MPHOSPH6: variants seen among roughly 807,000 people sequenced by gnomAD.
MPHOSPH6 encodes the protein M-phase phosphoprotein 6.
In MPHOSPH6, 25 loss-of-function variants were observed where a neutral mutation model predicts 21.8. The observed-to-expected ratio is 1.15, with a 90% confidence interval of 0.83 to 1.60. The LOEUF (loss-of-function observed/expected upper bound fraction) is 1.60, where lower values mean the gene tolerates loss of function less well. Ranked by LOEUF, MPHOSPH6 falls within the 40% of genes most tolerant of loss-of-function variation. The pLI is 0.00. For missense variants in MPHOSPH6, 269 were observed against 181.8 expected, an observed-to-expected ratio of 1.48 and a Z score of -2.76; for synonymous variants, 84 against 56.5, an observed-to-expected ratio of 1.49 and a Z score of -2.18.
chr16:82,149,295 C>A lies in MPHOSPH6; in HGVS notation c.350+14G>T. 1 of 1,609,682 alleles carries A rather than the reference C, an allele frequency of 6.2e-7. No homozygotes were observed. Among genetic ancestry groups the A allele is most frequent in the African/African-American group, 1.3e-5 (1 of 75,014 alleles). The stretch of plus-strand genomic sequence containing the variant: ...CTAGGTCCAGATTAGAAGGCTGCTG[C>A]GCAGCACGGTTACCTTCTAGCCATC... On this transcript the variant is annotated intron_variant, in intron 4 of 4. Transcript: ENST00000258169.
intron 1 of MPHOSPH6, among the ~76,000 whole-genome samples, chr16:82,167,388 C>G (rs988482487): frequency 6.6e-6 from 1 of 152,150 alleles, no homozygotes; most frequent in Non-Finnish European, 1.5e-5. Flanking sequence ...TTTTTGGCAC[C>G]AGGGATGGGC....
intron 2 of MPHOSPH6, among the ~76,000 whole-genome samples, chr16:82,152,592 A>G (rs1906299911): frequency 1.3e-5 from 2 of 152,188 alleles, no homozygotes; most frequent in African/African-American, 4.8e-5. Flanking sequence ...ACGGGCAGAA[A>G]TAACGGTCGC....
intron 1 of MPHOSPH6, among the ~76,000 whole-genome samples, chr16:82,166,609 T>C (rs928732263): frequency 2.6e-5 from 4 of 152,226 alleles, no homozygotes; most frequent in African/African-American, 4.8e-5. Flanking sequence ...TCTTGTATCA[T>C]TGGTACTTAG....
At chr16:82,161,504 G>C (rs915900008) in intron 2 of MPHOSPH6, among the ~76,000 whole-genome samples, 1 of 152,146 alleles carries the variant, frequency 6.6e-6, no homozygotes, top group African/African-American at 2.4e-5. Context: ...TATCCTTGGG[G>C]AAAAAAACAA....
At chr16:82,157,286 G>A (rs936256636) in intron 2 of MPHOSPH6, among the ~76,000 whole-genome samples, 13 of 152,110 alleles carry the variant, frequency 8.5e-5, no homozygotes, top group Admixed American at 4.6e-4. Flanking sequence ...TAGATATACC[G>A]TGGTGTATCT....
intron 2 of MPHOSPH6, among the ~76,000 whole-genome samples, chr16:82,154,575 T>C (rs1311239892): frequency 1.3e-5 from 2 of 151,060 alleles, no homozygotes; most frequent in African/African-American, 4.9e-5. Context: ...ATGCATGCAA[T>C]GAAGAAAGAA....
At chr16:82,155,347 G>A (rs981061535) in intron 2 of MPHOSPH6, among the ~76,000 whole-genome samples, 2 of 152,260 alleles carry the variant, frequency 1.3e-5, no homozygotes, top group Admixed American at 6.5e-5. Flanking sequence ...AAATCAACAA[G>A]AGGAGATAAA....
At chr16:82,153,069 A>G (rs903279871) in intron 2 of MPHOSPH6, among the ~76,000 whole-genome samples, 1 of 152,070 alleles carries the variant, frequency 6.6e-6, no homozygotes, top group Non-Finnish European at 1.5e-5. Flanking sequence ...GGAAGTTGCA[A>G]TGAGTCAAGA....
chr16:82,153,082 G>C (rs998819839), intron 2 of MPHOSPH6, among the ~76,000 whole-genome samples: 1 of 152,150 alleles, frequency 6.6e-6, no homozygotes, highest in East Asian at 1.9e-4. Context: ...AGTCAAGATT[G>C]TGCCACTGCA....
chr16:82,165,150 CAG>C (rs1906731967), intron 1 of MPHOSPH6, among the ~76,000 whole-genome samples: 1 of 78,570 alleles, frequency 1.3e-5, no homozygotes, highest in African/African-American at 5.6e-5. Flanking sequence ...TTTTTTGAGA[CAG>C]AGTCTCACTC....
chr16:82,165,144 T>TTTTA (rs1555540871), intron 1 of MPHOSPH6, among the ~76,000 whole-genome samples: 1 of 108,626 alleles, frequency 9.2e-6, no homozygotes, highest in Non-Finnish European at 1.9e-5. Flanking sequence ...TTTTTTTTTT[T>TTTTA]TGAGACAGAG....
At chr16:82,162,725 C>G (rs1906645798) in intron 2 of MPHOSPH6, among the ~76,000 whole-genome samples, 1 of 152,228 alleles carries the variant, frequency 6.6e-6, no homozygotes, top group Non-Finnish European at 1.5e-5. Flanking sequence ...AGAGTGTCAT[C>G]TTCTCCTGCC....
intron 2 of MPHOSPH6, among the ~76,000 whole-genome samples, chr16:82,154,095 G>A (rs1355567703): frequency 6.6e-6 from 1 of 152,130 alleles, no homozygotes; most frequent in African/African-American, 2.4e-5. Context: ...GATATTATCT[G>A]GGAGACCATT....
intron 2 of MPHOSPH6, among the ~76,000 whole-genome samples, chr16:82,159,374 T>C (rs926601188): frequency 6.6e-6 from 1 of 152,218 alleles, no homozygotes; most frequent in Non-Finnish European, 1.5e-5. Context: ...TTAACAAATA[T>C]AAATCACACA....
intron 1 of MPHOSPH6, 83 bp from the exon 2 acceptor site, chr16:82,164,277 T>G: frequency 1.1e-6 from 1 of 906,600 alleles, no homozygotes; most frequent in Non-Finnish European, 1.7e-6. Flanking sequence ...TTCTTCTACT[T>G]GTTCTCCTTC....
rs57899428 is a variant in MPHOSPH6 at position 82,170,192 on chromosome 16, C to A, written c.-17G>T. 0.037 allele frequency: 57,560 copies of A among 1,568,506 alleles called. 2,024 individuals are homozygous for A. Among genetic ancestry groups the A allele is most frequent in the African/African-American group, 0.14 (10,419 of 72,412 alleles). ...GGCCGCCATGGTAGCTTCCGCCCAG[C>A]GCCGCACTCCGGCCGCGAGCCTCAC... On this transcript the variant is annotated 5_prime_UTR_variant, in exon 1 of 5. Coordinates refer to ENST00000258169, the MANE Select transcript of MPHOSPH6 (RefSeq NM_005792.2).
chr16:82,151,823 GTTTCT>G (rs1490266722), intron 2 of MPHOSPH6, among the ~76,000 whole-genome samples: 2 of 152,156 alleles, frequency 1.3e-5, no homozygotes, highest in African/African-American at 4.8e-5. Context: ...TTGAAGCAAA[GTTTCT>G]TTTGTGTTTA....
At chr16:82,166,046 T>C (rs1369458248) in intron 1 of MPHOSPH6, among the ~76,000 whole-genome samples, 5 of 152,198 alleles carry the variant, frequency 3.3e-5, no homozygotes, top group Admixed American at 3.3e-4. Flanking sequence ...CCAGCAACCG[T>C]CCACGCAAAA....
chr16:82,148,778 T>C lies in MPHOSPH6; in HGVS notation c.436A>G (p.Ile146Val). ...ANYEEDENGD[I>V]TPIKAKKMFL... ...ATCTTCTTTGCTTTAATTGGTGTTA[T>C]GTCTCCATTTTCATCTTCTTCATAA... The change falls in exon 5 of 5, where the codon ATA becomes GTA. Residue 146 changes from isoleucine (I) to valine (V), a missense_variant. Transcript: ENST00000258169. 1 of 1,614,200 alleles carries C rather than the reference T, an allele frequency of 6.2e-7. No homozygotes were observed. The highest frequency in any genetic ancestry group is 1.1e-5 in the South Asian group (1 of 91,080).
Sources: allele counts gnomAD v4.1 joint callset (sites outside exome capture counted in the v4.1 genomes callset), GRCh38; gene constraint gnomAD v4.1.1; transcripts MANE v1.5; gene names NCBI Gene and HGNC (gene_info 2026-07-23, HGNC 2026-07-21).